The following FZD6 variants were observed in gnomAD, a reference collection of about 807,000 sequenced individuals.
The protein encoded by FZD6 is frizzled-6.
FZD6 carries 49 observed loss-of-function variants against 61.4 expected under a neutral mutation model. That is an observed-to-expected ratio of 0.80 (90% CI 0.63 to 1.01). FZD6 has a LOEUF of 1.01. Among genes scored for constraint, FZD6 ranks in the 50% least tolerant of loss-of-function variants. The pLI is 0.00. For synonymous variants in FZD6, 265 were observed against 292.2 expected (o/e 0.91, Z 0.95); for missense variants, 724 against 848.2 (o/e 0.85, Z 1.82).
chr8:103,300,232 T>A lies in FZD6; in HGVS notation c.125T>A (p.Phe42Tyr). Residue 42 changes from phenylalanine to tyrosine, a missense_variant, in exon 2 of 7, where the codon TTC becomes TAC. Transcript: ENST00000358755. Reference sequence around the variant, plus strand: ...AAAATGGCCTACAACATGACGTTTTTCCCTAATCTGATGGGTCATTATGAC... The same window carrying A: ...AAAATGGCCTACAACATGACGTTTTACCCTAATCTGATGGGTCATTATGAC... The part of the protein sequence containing the change: ...CMKMAYNMTF[F>Y]PNLMGHYDQS... The A allele has an allele frequency of 6.2e-7, 1 of 1,612,252 alleles. No individual in the cohort carries two copies. Among genetic ancestry groups the A allele is most frequent in the Non-Finnish European group, 8.5e-7 (1 of 1,178,266 alleles).
chr8:103,310,527 A>C (rs1814465544), intron 2 of FZD6, among the ~76,000 whole-genome samples: 1 of 152,114 alleles, frequency 6.6e-6, no homozygotes, highest in South Asian at 2.1e-4. Context: ...GGCCTCCCAA[A>C]GTGCTGAGAT....
At chr8:103,318,292 G>C (rs1189205467) in intron 2 of FZD6, among the ~76,000 whole-genome samples, 1 of 152,200 alleles carries the variant, frequency 6.6e-6, no homozygotes, top group Non-Finnish European at 1.5e-5. Context: ...GTCGATTGCT[G>C]TTAAGAGCTG....
At position 103,325,500 on chromosome 8, in the gene FZD6, T is replaced by C. The variant is rs1476422709; in HGVS notation, c.1392+2T>C. On this transcript the variant is annotated splice_donor_variant, in intron 4 of 6. Transcript: ENST00000358755. LOFTEE classifies it high-confidence loss of function. The stretch of plus-strand genomic sequence containing the variant: ...TACCATATCCCATGTCCTTATCAGG[T>C]AAAAGCTATCACTTGGATTATGTCT... 2 of 1,599,942 alleles carry C rather than the reference T, an allele frequency of 1.3e-6. No individual in the cohort carries two copies. The highest frequency in any genetic ancestry group is 1.7e-6 in the Non-Finnish European group (2 of 1,167,184).
intron 2 of FZD6, among the ~76,000 whole-genome samples, chr8:103,317,985 G>T (rs1254158817): frequency 2.0e-5 from 3 of 152,108 alleles, no homozygotes; most frequent in African/African-American, 7.2e-5. Context: ...GTTGTATTTT[G>T]CATACTTTGG....
At chr8:103,316,782 C>T (rs1814637778) in intron 2 of FZD6, among the ~76,000 whole-genome samples, 1 of 152,078 alleles carries the variant, frequency 6.6e-6, no homozygotes, top group Admixed American at 6.5e-5. Context: ...TTATGACCTT[C>T]TCTTTGTCTT....
intron 2 of FZD6, among the ~76,000 whole-genome samples, chr8:103,309,500 G>A (rs1489645558): frequency 1.3e-5 from 2 of 152,212 alleles, no homozygotes. Flanking sequence ...GTTTCTAGTG[G>A]TGTTGCCAAT....
chr8:103,328,999 AATTCATTTTAGTTT>A (rs1563694796), intron 5 of FZD6, among the ~76,000 whole-genome samples: 42 of 124,484 alleles, frequency 3.4e-4, no homozygotes, highest in African/African-American at 1.2e-3. Context: ...ATTTATGAGT[AATTCATTTTAGTTT>A]TATATATATA....
At chr8:103,316,942 A>G (rs1010678775) in intron 2 of FZD6, among the ~76,000 whole-genome samples, 4 of 152,250 alleles carry the variant, frequency 2.6e-5, no homozygotes, top group Non-Finnish European at 4.4e-5. Flanking sequence ...GAATAGACAA[A>G]ATCCTTTCCC....
In FZD6 at chr8:103,325,361, G is replaced by A; in HGVS notation, c.1255G>A (p.Val419Ile). The change falls in exon 4 of 7, where the codon GTC becomes ATC. Residue 419 changes from valine (V) to isoleucine (I), a missense_variant. By Grantham distance (29) the Val-to-Ile change is conservative (BLOSUM62 3). Transcript: ENST00000358755. ...KLKKFMIRIG[V>I]FSGLYLVPLV... ...AAAGAAATTTATGATTCGAATTGGA[G>A]TCTTCAGCGGCTTGTATCTTGTGCC... The A allele has an allele frequency of 6.2e-7, 1 of 1,614,102 alleles. No homozygotes were observed.
chr8:103,318,543 A>T, intron 2 of FZD6, 47 bp from the exon 3 acceptor site: 1 of 1,043,694 alleles, frequency 9.6e-7, no homozygotes, highest in Non-Finnish European at 1.5e-6. Flanking sequence ...AATTTTATTC[A>T]TTTGTTATTA....
chr8:103,325,757 G>A (rs1464491825), intron 4 of FZD6, among the ~76,000 whole-genome samples: 1 of 152,172 alleles, frequency 6.6e-6, no homozygotes, highest in African/African-American at 2.4e-5. Flanking sequence ...CAGATTAATA[G>A]CAATAAAGAG....
At chr8:103,329,459 G>A (rs1815056823) in intron 5 of FZD6, among the ~76,000 whole-genome samples, 196 bp from the exon 6 acceptor site, 1 of 151,920 alleles carries the variant, frequency 6.6e-6, no homozygotes, top group African/African-American at 2.4e-5. Flanking sequence ...GCAACTTAGA[G>A]TGTATACACA....
intron 2 of FZD6, among the ~76,000 whole-genome samples, chr8:103,309,352 G>A (rs1299585714): frequency 6.6e-6 from 1 of 152,212 alleles, no homozygotes; most frequent in Non-Finnish European, 1.5e-5. Context: ...GGCATACAAA[G>A]TGCCTGAGCT....
intron 2 of FZD6, among the ~76,000 whole-genome samples, chr8:103,301,971 T>C (rs1814185597): frequency 6.6e-6 from 1 of 152,194 alleles, no homozygotes; most frequent in African/African-American, 2.4e-5. Context: ...TTGCTAATAC[T>C]ACCAATCTCT....
chr8:103,331,430 A>G lies in FZD6; in HGVS notation c.2042A>G (p.Lys681Arg), dbSNP rs1001359011. The G allele has an allele frequency of 9.9e-6, 16 of 1,610,254 alleles. No homozygotes were observed. The highest frequency in any genetic ancestry group is 1.4e-5 in the Non-Finnish European group (16 of 1,176,586). Reference sequence around the variant, plus strand: ...AGTTCTTCAGAACCAAGCAGCCTCAAAGGTTCCACATCTCTGCTTGTTCAC... The same window carrying G: ...AGTTCTTCAGAACCAAGCAGCCTCAGAGGTTCCACATCTCTGCTTGTTCAC... Reference protein sequence around the residue: ...VPSSSEPSSLKGSTSLLVHPV... With the variant: ...VPSSSEPSSLRGSTSLLVHPV... The change falls in exon 7 of 7, where the codon AAA becomes AGA. Residue 681 changes from lysine to arginine, a missense_variant. Lys to Arg is a conservative substitution (Grantham distance 26, BLOSUM62 2). Transcript: ENST00000358755.
chr8:103,319,855 G>A (rs1563690498), intron 3 of FZD6, among the ~76,000 whole-genome samples: 2 of 152,184 alleles, frequency 1.3e-5, no homozygotes, highest in Non-Finnish European at 2.9e-5. Context: ...GAGTGAAGAG[G>A]AAGTAAAGCC....
At chr8:103,326,001 A>G (rs1033859125) in intron 4 of FZD6, among the ~76,000 whole-genome samples, 6 of 152,208 alleles carry the variant, frequency 3.9e-5, no homozygotes, top group Non-Finnish European at 5.9e-5. Flanking sequence ...GTAACAAAAT[A>G]TGCTTTATCT....
intron 6 of FZD6, 135 bp from the exon 7 acceptor site, chr8:103,331,206 T>G (rs1267701070): frequency 5.3e-6 from 4 of 752,712 alleles, no homozygotes; most frequent in Non-Finnish European, 4.8e-6. Flanking sequence ...TTTGAAGTGT[T>G]AAAGTACACC....
chr8:103,322,609 C>G (rs1175895183), intron 3 of FZD6, among the ~76,000 whole-genome samples: 1 of 152,016 alleles, frequency 6.6e-6, no homozygotes, highest in Non-Finnish European at 1.5e-5. Flanking sequence ...TTCCTATTCT[C>G]TAGACAGTGG....
Sources: gnomAD v4.1 joint callset for allele counts (sites outside exome capture counted in the v4.1 genomes callset) on GRCh38, gnomAD v4.1.1 for gene constraint, MANE v1.5 for transcripts, NCBI Gene and HGNC (gene_info 2026-07-23, HGNC 2026-07-21) for gene names.